PHF20: variants seen among roughly 807,000 people sequenced by gnomAD.
The protein encoded by PHF20 is PHD finger protein 20.
A neutral mutation model predicts 113.5 loss-of-function variants in PHF20; 23 were observed. The ratio of observed to expected loss-of-function variants is 0.20; its 90% CI spans 0.15 to 0.29. PHF20 has a LOEUF of 0.29. PHF20 is among the 10% of genes least tolerant of loss of function. PHF20 has a pLI of 1.00. For synonymous variants in PHF20, 434 were observed against 457.3 expected (o/e 0.95, Z 0.65); for missense variants, 943 against 1,219.6 (o/e 0.77, Z 3.38).
At chr20:35,783,560 G>T (rs544544826) in intron 1 of PHF20, among the ~76,000 whole-genome samples, 2 of 151,944 alleles carry the variant, frequency 1.3e-5, no homozygotes, top group East Asian at 3.9e-4. Flanking sequence ...GGGACTACAG[G>T]TGTATGCCAC....
intron 9 of PHF20, among the ~76,000 whole-genome samples, chr20:35,880,863 G>C (rs1016644798): frequency 5.9e-5 from 9 of 152,044 alleles, no homozygotes; most frequent in Admixed American, 1.3e-4. Flanking sequence ...GAGAGGCTGA[G>C]GCAGGAGAAT....
At chr20:35,791,709 A>T (rs982482507) in intron 1 of PHF20, among the ~76,000 whole-genome samples, 2 of 151,818 alleles carry the variant, frequency 1.3e-5, no homozygotes, top group African/African-American at 4.8e-5. Flanking sequence ...CTGCTGGAGT[A>T]ATCAAGATTA....
chr20:35,931,275 T>A lies in PHF20; in HGVS notation c.2131T>A (p.Tyr711Asn). The A allele has an allele frequency of 1.2e-6, 2 of 1,612,950 alleles. No homozygotes were observed. The highest frequency in any genetic ancestry group is 1.7e-6 in the Non-Finnish European group (2 of 1,179,140). ...TCAGAGGCCTGGCTTCAAGTACTGG[T>A]ATGACAAGGAGTGGCTGAGCAGGGG... Reference protein sequence around the residue: ...PGQRPGFKYWYDKEWLSRGHM... With the variant: ...PGQRPGFKYWNDKEWLSRGHM... The change falls in exon 15 of 18, where the codon TAT becomes AAT. Residue 711 changes from tyrosine to asparagine, a missense_variant. Physicochemically the swap from Tyr to Asn is moderately radical, Grantham distance 143. Coordinates refer to ENST00000374012, the MANE Select transcript of PHF20 (RefSeq NM_016436.5).
chr20:35,871,822 T>A lies in PHF20; in HGVS notation c.1275T>A (p.Thr425=). 1 of 1,607,640 alleles carries A rather than the reference T, an allele frequency of 6.2e-7. No homozygotes were observed. The highest frequency in any genetic ancestry group is 8.5e-7 in the Non-Finnish European group (1 of 1,176,486). ...TTGTGGAATTACAAGAGATTTCGAC[T>A]GTGGAAGGTTCATATTTAGAGTTAA... ...SPLVELQEIS[T]VEVTNTFKKT... is the part of the protein sequence containing the mutation. Residue 425 remains threonine, a synonymous_variant, in exon 9 of 18, where the codon ACT becomes ACA. Transcript: ENST00000374012.
At chr20:35,811,261 G>T (rs1285977407) in intron 2 of PHF20, among the ~76,000 whole-genome samples, 2 of 151,998 alleles carry the variant, frequency 1.3e-5, no homozygotes, top group African/African-American at 2.4e-5. Flanking sequence ...TGGCCAAGAT[G>T]ATCTTGATCT....
intron 1 of PHF20, among the ~76,000 whole-genome samples, chr20:35,776,677 C>G (rs559848615): frequency 6.6e-6 from 1 of 152,294 alleles, no homozygotes; most frequent in African/African-American, 2.4e-5. Context: ...AATGACTAGA[C>G]TATTTTGTGT....
chr20:35,788,762 G>C (rs1173075969), intron 1 of PHF20, among the ~76,000 whole-genome samples: 1 of 151,662 alleles, frequency 6.6e-6, no homozygotes, highest in Non-Finnish European at 1.5e-5. Flanking sequence ...ATTTTTACTA[G>C]AGATGGGGTT....
rs141187973 is a variant in PHF20 at position 35,850,523 on chromosome 20, T to G, written c.340+3089T>G. On this transcript the variant is annotated intron_variant, in intron 4 of 17. Coordinates refer to ENST00000374012, the MANE Select transcript of PHF20 (RefSeq NM_016436.5). ...TTTAAGGTTTCAAATGTACTTTATTTCTTCATTAATGCCATATCTTAATGG... is the reference window on the plus strand; with the variant it reads ...TTTAAGGTTTCAAATGTACTTTATTGCTTCATTAATGCCATATCTTAATGG... Among the ~76,000 whole-genome samples the G allele has an allele frequency of 5.5e-3, 736 of 134,468 alleles. 8 individuals carry two copies. The highest frequency in any genetic ancestry group is 0.02 in the African/African-American group (704 of 34,506). 88.2% of individuals were successfully genotyped at this position (134,468 alleles called of 152,430 possible).
At chr20:35,815,832 G>A (rs1158601611) in intron 2 of PHF20, among the ~76,000 whole-genome samples, 2 of 152,280 alleles carry the variant, frequency 1.3e-5, no homozygotes, top group East Asian at 1.9e-4. Flanking sequence ...GGCAGAAGTT[G>A]TAGTGAGCCA....
At chr20:35,851,515 C>T (rs943973107) in intron 4 of PHF20, among the ~76,000 whole-genome samples, 4 of 152,126 alleles carry the variant, frequency 2.6e-5, no homozygotes, top group Admixed American at 2.6e-4. Context: ...TAGGCCCACA[C>T]GTGCAGGTGC....
intron 6 of PHF20, 145 bp from the exon 7 acceptor site, chr20:35,869,292 CT>C (rs1250204079): frequency 2.1e-6 from 1 of 472,602 alleles, no homozygotes. Context: ...TTTCTTTTAT[CT>C]TAAGTAAGAA....
intron 1 of PHF20, among the ~76,000 whole-genome samples, chr20:35,791,552 T>C (rs192038325): frequency 4.7e-5 from 7 of 147,464 alleles, no homozygotes; most frequent in Admixed American, 3.4e-4. Flanking sequence ...TATATATATA[T>C]ATATATATAT....
intron 4 of PHF20, chr20:35,849,469 T>C (rs2042680535): frequency 2.1e-6 from 1 of 465,898 alleles, no homozygotes; most frequent in East Asian, 7.1e-5. Context: ...GGCAGGATGG[T>C]GCAGGTTAAT....
At chr20:35,790,712 A>G (rs1024302118) in intron 1 of PHF20, among the ~76,000 whole-genome samples, 1 of 152,138 alleles carries the variant, frequency 6.6e-6, no homozygotes, top group Non-Finnish European at 1.5e-5. Context: ...CCCCTCTGCT[A>G]AAGCTTGCCT....
At chr20:35,775,309 A>C (rs550161943) in intron 1 of PHF20, among the ~76,000 whole-genome samples, 2 of 152,236 alleles carry the variant, frequency 1.3e-5, no homozygotes, top group East Asian at 3.9e-4. Flanking sequence ...ACGAAGACAA[A>C]GTTTCTCTGT....
chr20:35,941,032 G>T lies in PHF20; in HGVS notation c.2881G>T (p.Glu961Ter). Reference sequence around the variant, plus strand: ...AGTTACGCACAGGATGGACTCCATTGAGAAGGAGTTGGATGGTAGGGCTCC... The same window carrying T: ...AGTTACGCACAGGATGGACTCCATTTAGAAGGAGTTGGATGGTAGGGCTCC... The part of the protein sequence containing the change: ...DEVTHRMDSI[E>*]KELDVLESWL... Residue 961 changes from glutamate (E) to a stop codon, truncating the protein, a stop_gained, in exon 17 of 18, where the codon GAG becomes TAG. Transcript: ENST00000374012. LOFTEE classifies it high-confidence loss of function. 1 of 1,613,500 alleles carries T rather than the reference G, an allele frequency of 6.2e-7. No homozygotes were observed. Among genetic ancestry groups the T allele is most frequent in the South Asian group, 1.1e-5 (1 of 90,988 alleles).
chr20:35,871,114 G>A lies in PHF20; in HGVS notation c.1082G>A (p.Ser361Asn). The part of the protein sequence containing the change: ...DTDPLQDTLS[S>N]TKESEEGQLK... ...GATCCTTTGCAAGACACGTTGTCTAGTACCAAGGAATCTGAAGAAGGTGAG... is the reference window on the plus strand; with the variant it reads ...GATCCTTTGCAAGACACGTTGTCTAATACCAAGGAATCTGAAGAAGGTGAG... The change falls in exon 8 of 18, where the codon AGT becomes AAT. Residue 361 changes from serine (S) to asparagine (N), a missense_variant. This residue lies in a region of PHF20 where 592 missense variants were observed against 787.2 expected (regional missense o/e 0.75). Transcript: ENST00000374012. 5 of 1,609,978 alleles carry A rather than the reference G, an allele frequency of 3.1e-6. No homozygotes were observed. Among genetic ancestry groups the A allele is most frequent in the African/African-American group, 2.7e-5 (2 of 74,862 alleles).
At position 35,871,771 on chromosome 20, in the gene PHF20, G is replaced by A. The variant is rs984470006; in HGVS notation, c.1224G>A (p.Thr408=). The A allele has an allele frequency of 6.8e-6, 11 of 1,613,238 alleles. No individual in the cohort carries two copies. The highest frequency in any genetic ancestry group is 5.3e-5 in the African/African-American group (4 of 74,848). ...ELNCPSMGEN[T]MKTEPTSPLV... The stretch of plus-strand genomic sequence containing the variant: ...ACTGCCCATCAATGGGAGAAAACAC[G>A]ATGAAAACAGAACCGACTTCTCCCC... Residue 408 remains threonine, a synonymous_variant, in exon 9 of 18, where the codon ACG becomes ACA. Coordinates refer to ENST00000374012, the MANE Select transcript of PHF20 (RefSeq NM_016436.5).
intron 9 of PHF20, among the ~76,000 whole-genome samples, chr20:35,892,735 G>T (rs1249334753): frequency 6.6e-6 from 1 of 152,012 alleles, no homozygotes; most frequent in African/African-American, 2.4e-5. Flanking sequence ...TACCCTGTTT[G>T]CAGCTTTTCT....
Sources: allele counts gnomAD v4.1 joint callset (sites outside exome capture counted in the v4.1 genomes callset), GRCh38; gene constraint gnomAD v4.1.1; regional missense constraint gnomAD v4.1.1; transcripts MANE v1.5; gene names NCBI Gene and HGNC (gene_info 2026-07-23, HGNC 2026-07-21).